The following AKT2 variants were observed in gnomAD, a reference collection of about 807,000 sequenced individuals.
AKT2 encodes the protein RAC-beta serine/threonine-protein kinase.
A neutral mutation model predicts 58.6 loss-of-function variants in AKT2; 16 were observed. The observed-to-expected ratio is 0.27, with a 90% CI of 0.18 to 0.41. The LOEUF (loss-of-function observed/expected upper bound fraction) is 0.41. Ranked by LOEUF, AKT2 falls within the 10% of genes least tolerant of loss-of-function variation. AKT2 has a pLI of 1.00. For synonymous variants in AKT2, 253 were observed against 254.0 expected, an observed-to-expected ratio of 1.00 and a Z score of 0.04; for missense variants, 438 against 661.0, an observed-to-expected ratio of 0.66 and a Z score of 3.70.
intron 1 of AKT2, among the ~76,000 whole-genome samples, chr19:40,266,888 G>A (rs1976398161): frequency 1.3e-5 from 2 of 152,172 alleles, no homozygotes; most frequent in Non-Finnish European, 2.9e-5. Flanking sequence ...CTCGAGCCTG[G>A]GAGGTCCAGG....
chr19:40,248,541 C>T (rs915195367), intron 4 of AKT2, among the ~76,000 whole-genome samples: 1 of 152,208 alleles, frequency 6.6e-6, no homozygotes, highest in Non-Finnish European at 1.5e-5. Context: ...GTGCCTAGAA[C>T]AGGCCCTTGG....
At chr19:40,248,430 C>T (rs895514010) in intron 4 of AKT2, among the ~76,000 whole-genome samples, 1 of 152,208 alleles carries the variant, frequency 6.6e-6, no homozygotes, top group Non-Finnish European at 1.5e-5. Flanking sequence ...TGTAGAAGCT[C>T]CAAGGCGGGG....
chr19:40,272,846 A>G (rs1380928370), intron 1 of AKT2, among the ~76,000 whole-genome samples: 1 of 152,216 alleles, frequency 6.6e-6, no homozygotes. Flanking sequence ...CCAGCTTTTC[A>G]GCCCTGGCTG....
intron 2 of AKT2, among the ~76,000 whole-genome samples, chr19:40,258,646 C>T (rs1205970005): frequency 6.7e-6 from 1 of 149,706 alleles, no homozygotes; most frequent in South Asian, 2.1e-4. Context: ...CAGAGCAAGA[C>T]CCTAGCTCTT....
chr19:40,257,186 C>A (rs1318795870), intron 2 of AKT2, 132 bp from the exon 3 acceptor site: 1 of 1,217,696 alleles, frequency 8.2e-7, no homozygotes, highest in Non-Finnish European at 1.2e-6. Context: ...GGGGGACACA[C>A]GAGAATGCCT....
chr19:40,241,278 C>T (rs1334915688), intron 6 of AKT2: 1 of 159,322 alleles, frequency 6.3e-6, no homozygotes, highest in East Asian at 1.8e-4. Flanking sequence ...CAGGAATGAA[C>T]AGCTAATTTG....
intron 3 of AKT2, among the ~76,000 whole-genome samples, chr19:40,255,933 G>C (rs888307567): frequency 1.3e-5 from 2 of 152,184 alleles, no homozygotes; most frequent in African/African-American, 2.4e-5. Context: ...GCCAGCTAGG[G>C]AGGATGGGGC....
intron 1 of AKT2, among the ~76,000 whole-genome samples, chr19:40,281,673 G>C (rs2077426847): frequency 6.6e-6 from 1 of 152,188 alleles, no homozygotes; most frequent in South Asian, 2.1e-4. Context: ...CTGTAAAACT[G>C]AGATGCTAAT....
intron 3 of AKT2, among the ~76,000 whole-genome samples, chr19:40,256,498 G>T (rs1192735803): frequency 6.6e-6 from 1 of 152,168 alleles, no homozygotes; most frequent in Non-Finnish European, 1.5e-5. Context: ...CATCCCTTTG[G>T]GTATTACAGA....
chr19:40,267,813 T>G (rs1976468803), intron 1 of AKT2, among the ~76,000 whole-genome samples: 1 of 152,062 alleles, frequency 6.6e-6, no homozygotes, highest in South Asian at 2.1e-4. Context: ...GCTCACAGTC[T>G]GGTGTGAGGG....
At chr19:40,245,846 TA>T (rs936011497) in intron 4 of AKT2, among the ~76,000 whole-genome samples, 3 of 151,974 alleles carry the variant, frequency 2.0e-5, no homozygotes, top group Non-Finnish European at 2.9e-5. Flanking sequence ...GATACTTGGG[TA>T]ATGAAAGAGT....
Position 40,235,376 on chromosome 19 carries a change from T to C in AKT2, c.1176-26A>G. The C allele has an allele frequency of 6.2e-7, 1 of 1,611,666 alleles. No homozygotes were observed. ...CTGTGCAGAGACGGCCGTCAGCACC[T>C]GCCTCCCGGAGCAGCTGGGTTCGGG... On this transcript the variant is annotated intron_variant, in intron 11 of 13. Coordinates refer to ENST00000392038, the MANE Select transcript of AKT2 (RefSeq NM_001626.6). The surrounding 1 kb of genome is among the most constrained non-coding windows in gnomAD (Gnocchi z 6.3).
At position 40,231,456 on chromosome 19, in the gene AKT2, C is replaced by A. The variant is rs1420313363; in HGVS notation, c.*2416G>T. ...AGAAAGACAAACTAAAAAACCCCAACCAAACGAGTCCTAGCTGTAGCTAAC... is the reference window on the plus strand; with the variant it reads ...AGAAAGACAAACTAAAAAACCCCAAACAAACGAGTCCTAGCTGTAGCTAAC... On this transcript the variant is annotated 3_prime_UTR_variant, in exon 14 of 14. Transcript: ENST00000392038. 4.3e-6 allele frequency: 1 copy of A among 233,232 alleles called. No homozygotes were observed. Among genetic ancestry groups the A allele is most frequent in the Non-Finnish European group, 8.5e-6 (1 of 118,076 alleles). 14.4% of individuals were successfully genotyped at this position (233,232 alleles called of 1,614,324 possible).
intron 4 of AKT2, among the ~76,000 whole-genome samples, chr19:40,250,313 A>G (rs371876577): frequency 2.7e-4 from 41 of 150,794 alleles, no homozygotes; most frequent in East Asian, 2.2e-3. Flanking sequence ...GACCAGCCTG[A>G]CCAACATGAG....
intron 2 of AKT2, among the ~76,000 whole-genome samples, chr19:40,258,883 T>C (rs1975742788): frequency 6.6e-6 from 1 of 152,190 alleles, no homozygotes; most frequent in Non-Finnish European, 1.5e-5. Flanking sequence ...ACAGGCTTTT[T>C]CTTTTTTCAG....
At chr19:40,243,696 C>T (rs970043392) in intron 4 of AKT2, 1 of 152,032 alleles carries the variant, frequency 6.6e-6, no homozygotes, top group African/African-American at 2.4e-5. Context: ...CAAGACCAGC[C>T]TAGGTAACAA....
rs1749161133 is a variant in AKT2, at chr19:40,267,478, T to C, written c.-84-2127A>G. ...TCCTTCTGGGCGTTCTTCTCTCTCT[T>C]CCTTGAGGTCTCAGCTAAACCAGTG... On this transcript the variant is annotated intron_variant, in intron 1 of 13. Coordinates refer to ENST00000392038, the MANE Select transcript of AKT2 (RefSeq NM_001626.6). Among the ~76,000 whole-genome samples the C allele has an allele frequency of 2.0e-5, 3 of 152,132 alleles. No homozygotes were observed. The South Asian group carries it at 6.2e-4, about 32-fold the overall frequency.
intron 1 of AKT2, chr19:40,275,406 A>G (rs371269969): frequency 1.0e-4 from 45 of 439,038 alleles, no homozygotes; most frequent in African/African-American, 8.0e-4. Flanking sequence ...GGTCTGCATC[A>G]AGGCTAATAC....
chr19:40,233,963 A>ATGGG lies in AKT2; in HGVS notation c.1367-13_1367-12insCCCA. ...GCCCAGGCTGTCATCTGTGGGCGGC[A>ATGGG]GAGGTGGATGGGGAGGACCAGTCAG... On this transcript the variant is annotated splice_polypyrimidine_tract_variant and intron_variant, in intron 13 of 13. Coordinates refer to ENST00000392038, the MANE Select transcript of AKT2 (RefSeq NM_001626.6). This position sits in a 1 kb window ranked among gnomAD's most constrained non-coding sequence, Gnocchi z 4.3. 6.2e-7 allele frequency: 1 copy of ATGGG among 1,609,376 alleles called. No individual in the cohort carries two copies. The highest frequency in any genetic ancestry group is 1.3e-5 in the African/African-American group (1 of 75,024).
Sources: allele counts gnomAD v4.1 joint callset (sites outside exome capture counted in the v4.1 genomes callset), GRCh38; gene constraint gnomAD v4.1.1; non-coding constraint Gnocchi (gnomAD v3.1); transcripts MANE v1.5; gene names NCBI Gene and HGNC (gene_info 2026-07-23, HGNC 2026-07-21).